The following NRXN3 variants were observed in gnomAD, a reference collection of about 807,000 sequenced individuals.
NRXN3 encodes the protein neurexin 3.
In NRXN3, 32 loss-of-function variants were observed where a neutral mutation model predicts 137.6. The observed-to-expected ratio is 0.23, with a 90% confidence interval of 0.18 to 0.31. The LOEUF (loss-of-function observed/expected upper bound fraction) is 0.31, where lower values mean the gene tolerates loss of function less well. NRXN3 is among the 10% of genes least tolerant of loss of function. The probability of loss-of-function intolerance (pLI) is 1.00; values close to 1 mark genes in which losing one functional copy is unlikely to be tolerated. For missense variants in NRXN3, 1,574 were observed against 2,062.5 expected (o/e 0.76, Z 4.59); for synonymous variants, 798 against 784.5 (o/e 1.02, Z -0.29).
intron 10 of NRXN3, among the ~76,000 whole-genome samples, chr14:78,929,056 C>T (rs535776631): frequency 1.5e-4 from 23 of 152,078 alleles, no homozygotes; most frequent in African/African-American, 2.9e-4. Flanking sequence ...CCAGTGATGA[C>T]GAGCATTTTT....
At chr14:78,187,567 T>C (rs2060338393) in intron 1 of NRXN3, among the ~76,000 whole-genome samples, 1 of 152,068 alleles carries the variant, frequency 6.6e-6, no homozygotes, top group South Asian at 2.1e-4. Flanking sequence ...TTCACATCAC[T>C]CTGGTTCTGG....
chr14:79,316,729 C>CCTCTCTCTCTCT lies in NRXN3; in HGVS notation c.3263-150469_3263-150458dup, dbSNP rs35515937. ...TTATCATCATGTAATCTGTCCTGTC[C>CCTCTCTCTCTCT]CTCTCTCTCTCTCTCTCTCTCTCTC... On this transcript the variant is annotated intron_variant, in intron 15 of 20. Transcript: ENST00000335750. Among the ~76,000 whole-genome samples, 459 of 137,988 alleles carry CCTCTCTCTCTCT rather than the reference C, an allele frequency of 3.3e-3. 3 individuals are homozygous for CCTCTCTCTCTCT. The highest frequency in any genetic ancestry group is 0.012 in the African/African-American group (417 of 35,850). 90.5% of individuals were successfully genotyped at this position (137,988 alleles called of 152,430 possible). A position where few individuals can be genotyped will look rare whatever the true frequency, so the allele number is the denominator to read the frequency against.
chr14:78,776,952 C>T (rs2153012454), intron 8 of NRXN3, among the ~76,000 whole-genome samples: 1 of 152,290 alleles, frequency 6.6e-6, no homozygotes, highest in Non-Finnish European at 1.5e-5. Context: ...TCAGATGATG[C>T]TGATGTTGCT....
intron 15 of NRXN3, among the ~76,000 whole-genome samples, chr14:79,325,754 G>C (rs184505252): frequency 1.3e-5 from 2 of 152,244 alleles, no homozygotes; most frequent in East Asian, 1.9e-4. Context: ...AGCATGCAGC[G>C]CTGTAGGCAA....
At chr14:78,438,899 A>G (rs1056776943) in intron 4 of NRXN3, among the ~76,000 whole-genome samples, 1 of 151,956 alleles carries the variant, frequency 6.6e-6, no homozygotes, top group Admixed American at 6.6e-5. Flanking sequence ...CCTGGGGAGA[A>G]GTTTTGGCAT....
intron 6 of NRXN3, among the ~76,000 whole-genome samples, chr14:78,702,280 A>G (rs1278080014): frequency 2.9e-5 from 4 of 139,668 alleles, no homozygotes; most frequent in Non-Finnish European, 6.3e-5. Flanking sequence ...TAATTTATAA[A>G]TACATATATG....
chr14:79,497,412 C>T lies in NRXN3; in HGVS notation c.3444+30010C>T, dbSNP rs904482916. 2.9e-4 allele frequency among the ~76,000 whole-genome samples: 44 copies of T among 152,222 alleles called. 1 individual carries two copies. Among genetic ancestry groups the T allele is most frequent in the South Asian group, 8.3e-4 (4 of 4,816 alleles). On this transcript the variant is annotated intron_variant, in intron 16 of 20. Transcript: ENST00000335750. ...CGTTGTATGGCCCTTCCACTCAATC[C>T]TTTCCCACCTCCCTCCAAATGTTAC...
intron 1 of NRXN3, among the ~76,000 whole-genome samples, chr14:78,215,439 G>A (rs979577334): frequency 6.6e-6 from 1 of 152,074 alleles, no homozygotes; most frequent in Non-Finnish European, 1.5e-5. Flanking sequence ...GCTCAAATCA[G>A]GAAGGGGAGG....
chr14:78,461,981 G>C (rs2094934358), intron 4 of NRXN3, among the ~76,000 whole-genome samples: 1 of 152,228 alleles, frequency 6.6e-6, no homozygotes, highest in Non-Finnish European at 1.5e-5. Flanking sequence ...CCCAACTCCA[G>C]CTTTGCATTG....
chr14:79,077,227 A>C (rs961843467), intron 15 of NRXN3, among the ~76,000 whole-genome samples: 9 of 152,208 alleles, frequency 5.9e-5, no homozygotes, highest in African/African-American at 2.2e-4. Context: ...GATAAGAATT[A>C]AATTCCCTCA....
chr14:79,027,621 A>G (rs1012672803), intron 15 of NRXN3, among the ~76,000 whole-genome samples: 6 of 152,116 alleles, frequency 3.9e-5, no homozygotes, highest in Non-Finnish European at 8.8e-5. Flanking sequence ...TGAGGTCTCT[A>G]GAATGTAATG....
At chr14:78,704,029 C>T (rs143174881) in intron 6 of NRXN3, among the ~76,000 whole-genome samples, 2 of 152,292 alleles carry the variant, frequency 1.3e-5, no homozygotes, top group African/African-American at 2.4e-5. Context: ...CAACAGAACA[C>T]GTGGAAACAC....
At chr14:78,586,819 C>A (rs983123390) in intron 4 of NRXN3, among the ~76,000 whole-genome samples, 1 of 152,330 alleles carries the variant, frequency 6.6e-6, no homozygotes, top group Non-Finnish European at 1.5e-5. Flanking sequence ...GAGCAAACGG[C>A]AAATCCATCT....
chr14:78,534,613 A>G (rs1357963662), intron 4 of NRXN3, among the ~76,000 whole-genome samples: 1 of 152,196 alleles, frequency 6.6e-6, no homozygotes, highest in Non-Finnish European at 1.5e-5. Flanking sequence ...GAACATTGTT[A>G]TGGCATTCCT....
In NRXN3 at chr14:78,951,856, C is replaced by T. The variant is rs116296421; in HGVS notation, c.2276-5386C>T. On this transcript the variant is annotated intron_variant, in intron 10 of 20. Transcript: ENST00000335750. ...AGTGAGTAACAGTATTCTATTAATACCCTGGGAGGCTGAAGTAGAGGATGA... is the reference window on the plus strand; with the variant it reads ...AGTGAGTAACAGTATTCTATTAATATCCTGGGAGGCTGAAGTAGAGGATGA... 8.0e-3 allele frequency among the ~76,000 whole-genome samples: 1,216 copies of T among 152,238 alleles called. 19 individuals are homozygous for T. Among genetic ancestry groups the T allele is most frequent in the African/African-American group, 0.028 (1,161 of 41,526 alleles).
At chr14:78,869,174 A>T (rs1200188258) in intron 10 of NRXN3, among the ~76,000 whole-genome samples, 1 of 152,120 alleles carries the variant, frequency 6.6e-6, no homozygotes, top group Non-Finnish European at 1.5e-5. Context: ...GAAGTTTGGA[A>T]TTTTTCTTGG....
At chr14:78,796,658 A>G (rs963748150) in intron 8 of NRXN3, among the ~76,000 whole-genome samples, 4 of 152,184 alleles carry the variant, frequency 2.6e-5, no homozygotes, top group African/African-American at 9.7e-5. Flanking sequence ...AAAGTTGTAC[A>G]TATTTGCAAG....
At chr14:79,757,739 G>A (rs1022288705) in intron 19 of NRXN3, among the ~76,000 whole-genome samples, 4 of 152,026 alleles carry the variant, frequency 2.6e-5, no homozygotes, top group Non-Finnish European at 5.9e-5. Flanking sequence ...GACCTTTCAG[G>A]ACCTTGATTT....
intron 10 of NRXN3, among the ~76,000 whole-genome samples, chr14:78,925,571 C>T (rs1055682344): frequency 6.6e-6 from 1 of 152,200 alleles, no homozygotes; most frequent in Non-Finnish European, 1.5e-5. Flanking sequence ...CCTATGTCAA[C>T]ACAGGTGACC....
Sources: gnomAD v4.1 joint callset for allele counts (sites outside exome capture counted in the v4.1 genomes callset) on GRCh38, gnomAD v4.1.1 for gene constraint, MANE v1.5 for transcripts, NCBI Gene and HGNC (gene_info 2026-07-23, HGNC 2026-07-21) for gene names.